The following ENTREP2 variants were observed in gnomAD, a reference collection of about 807,000 sequenced individuals.
ENTREP2 encodes the protein endosomal transmembrane epsin interactor 2, also known as protein ENTREP2.
At chr15:29,370,755 A>C in the ENTREP2 span, among the ~76,000 whole-genome samples, 6 of 152,150 alleles carry the variant, frequency 3.9e-5, no homozygotes, top group Admixed American at 3.9e-4. Flanking sequence ...ATAAGGAGAC[A>C]CGGGCCTAGA....
the ENTREP2 span, among the ~76,000 whole-genome samples, chr15:29,566,080 G>T: frequency 1.3e-5 from 2 of 152,298 alleles, no homozygotes; most frequent in East Asian, 3.9e-4. Context: ...TAATGTTGGT[G>T]GTCTATGGGT....
chr15:29,357,221 T>C, the ENTREP2 span, among the ~76,000 whole-genome samples: 1 of 152,096 alleles, frequency 6.6e-6, no homozygotes, highest in African/African-American at 2.4e-5. Context: ...GCAACACTTC[T>C]GATTCTGTAG....
chr15:29,450,345 G>A, the ENTREP2 span, among the ~76,000 whole-genome samples: 3 of 152,136 alleles, frequency 2.0e-5, no homozygotes, highest in African/African-American at 4.8e-5. Context: ...ATCTTCCAGG[G>A]TTTTTATAGT....
the ENTREP2 span, among the ~76,000 whole-genome samples, chr15:29,360,669 C>T: frequency 6.6e-6 from 1 of 152,160 alleles, no homozygotes; most frequent in African/African-American, 2.4e-5. Flanking sequence ...TCCAGCTGAC[C>T]AGAGTACCTG....
chr15:29,505,731 G>A, the ENTREP2 span, among the ~76,000 whole-genome samples: 1 of 152,132 alleles, frequency 6.6e-6, no homozygotes, highest in Non-Finnish European at 1.5e-5. The surrounding 1 kb of genome is among the most constrained non-coding windows in gnomAD (Gnocchi z 4.3). Flanking sequence ...CAAAAAGGAT[G>A]ACCAAGCAAA....
the ENTREP2 span, among the ~76,000 whole-genome samples, chr15:29,207,176 G>A: frequency 6.6e-6 from 1 of 152,136 alleles, no homozygotes; most frequent in African/African-American, 2.4e-5. Flanking sequence ...GTCCCTGCCA[G>A]ACCTGAGGAC....
chr15:29,309,655 T>C, the ENTREP2 span, among the ~76,000 whole-genome samples: 1 of 105,038 alleles, frequency 9.5e-6, no homozygotes, highest in Non-Finnish European at 1.7e-5. Context: ...TCGTGTGTGG[T>C]GCTGGCATCT....
the ENTREP2 span, among the ~76,000 whole-genome samples, chr15:29,654,457 A>G: frequency 2.0e-5 from 3 of 152,334 alleles, no homozygotes; most frequent in South Asian, 6.2e-4. Flanking sequence ...AAGATTTCAT[A>G]TAAAAGCTGT....
At chr15:29,297,089 T>C in the ENTREP2 span, among the ~76,000 whole-genome samples, 1 of 152,036 alleles carries the variant, frequency 6.6e-6, no homozygotes, top group Non-Finnish European at 1.5e-5. Flanking sequence ...AATCCACAAA[T>C]AAATGAACTA....
At chr15:29,403,756 C>A in the ENTREP2 span, among the ~76,000 whole-genome samples, 2 of 152,236 alleles carry the variant, frequency 1.3e-5, no homozygotes, top group Non-Finnish European at 2.9e-5. Context: ...GACCCAGAGG[C>A]TGTGCTCCCA....
the ENTREP2 span, among the ~76,000 whole-genome samples, chr15:29,515,096 A>T: frequency 6.6e-6 from 1 of 152,222 alleles, no homozygotes; most frequent in Non-Finnish European, 1.5e-5. Context: ...GAATTTCAAG[A>T]ATTCAAAATT....
the ENTREP2 span, among the ~76,000 whole-genome samples, chr15:29,290,594 C>T: frequency 3.3e-5 from 5 of 152,176 alleles, no homozygotes; most frequent in Admixed American, 6.5e-5. Flanking sequence ...CTGTTATATC[C>T]GTAGGAGCCA....
the ENTREP2 span, among the ~76,000 whole-genome samples, chr15:29,356,837 A>G: frequency 6.6e-6 from 1 of 152,162 alleles, no homozygotes; most frequent in Admixed American, 6.5e-5. Context: ...CACAACTCCA[A>G]TAAACATCCC....
chr15:29,174,042 T>C, the ENTREP2 span, among the ~76,000 whole-genome samples: 6 of 151,992 alleles, frequency 3.9e-5, no homozygotes, highest in East Asian at 1.2e-3. Flanking sequence ...TTAAGCATCA[T>C]TTTAAAGGAA....
the ENTREP2 span, among the ~76,000 whole-genome samples, chr15:29,262,575 G>A: frequency 2.0e-5 from 3 of 152,156 alleles, no homozygotes; most frequent in South Asian, 2.1e-4. Context: ...GTAGGGTGGC[G>A]TGCCCAGGGA....
chr15:29,563,951 C>G, the ENTREP2 span, among the ~76,000 whole-genome samples: 1 of 151,870 alleles, frequency 6.6e-6, no homozygotes, highest in African/African-American at 2.4e-5. Context: ...TATAATTTTT[C>G]TGGTGTGCTC....
chr15:29,432,785 C>A, the ENTREP2 span, among the ~76,000 whole-genome samples: 11 of 152,236 alleles, frequency 7.2e-5, no homozygotes, highest in Admixed American at 5.9e-4. Flanking sequence ...TGCAGCCTCC[C>A]CAGACCCTGA....
the ENTREP2 span, among the ~76,000 whole-genome samples, chr15:29,549,280 T>C: frequency 1.3e-5 from 2 of 151,814 alleles, no homozygotes; most frequent in Non-Finnish European, 2.9e-5. Context: ...TATACATTTT[T>C]TTTTTTTGAG....
chr15:29,225,947 A>C, the ENTREP2 span, among the ~76,000 whole-genome samples: 1 of 151,930 alleles, frequency 6.6e-6, no homozygotes, highest in Non-Finnish European at 1.5e-5. Flanking sequence ...GAAACTGTCC[A>C]CCGCAGCTCC....
Sources: gnomAD v4.1 joint callset for allele counts (sites outside exome capture counted in the v4.1 genomes callset) on GRCh38, gnomAD v4.1.1 for gene constraint, Gnocchi (gnomAD v3.1) non-coding constraint, MANE v1.5 for transcripts, NCBI Gene and HGNC (gene_info 2026-07-23, HGNC 2026-07-21) for gene names.